LOC400499: variants seen among roughly 807,000 people sequenced by gnomAD.
the LOC400499 span, among the ~76,000 whole-genome samples, chr16:11,464,360 C>T: frequency 7.9e-5 from 12 of 152,348 alleles, no homozygotes; most frequent in Middle Eastern, 3.4e-3. Context: ...TCAGAGCTTC[C>T]TCAAGGTGCA....
the LOC400499 span, chr16:11,446,462 T>C: frequency 1.6e-6 from 2 of 1,245,590 alleles, no homozygotes; most frequent in East Asian, 2.5e-5. Context: ...TCAGTCCAGA[T>C]AACATGTTTT....
At chr16:11,469,345 T>C in the LOC400499 span, 9 of 398,986 alleles carry the variant, frequency 2.3e-5, 1 homozygote, top group Non-Finnish European at 4.0e-5. Flanking sequence ...GCCCTTTCTT[T>C]AATCTCTGAG....
the LOC400499 span, among the ~76,000 whole-genome samples, chr16:11,457,769 T>C: frequency 6.6e-6 from 1 of 152,142 alleles, no homozygotes; most frequent in Non-Finnish European, 1.5e-5. Flanking sequence ...GCAACCCACA[T>C]GTCCATCAAC....
the LOC400499 span, among the ~76,000 whole-genome samples, chr16:11,410,593 G>T: frequency 6.6e-6 from 1 of 152,264 alleles, no homozygotes; most frequent in Admixed American, 6.5e-5. Flanking sequence ...TGTAGACAAA[G>T]GTGGCCTGGG....
chr16:11,494,452 G>C, the LOC400499 span: 1 of 392,896 alleles, frequency 2.5e-6, no homozygotes, highest in Non-Finnish European at 4.5e-6. Context: ...GGGGGAATGA[G>C]GGATAGGAGG....
chr16:11,526,599 T>C, the LOC400499 span, among the ~76,000 whole-genome samples: 4 of 152,246 alleles, frequency 2.6e-5, no homozygotes, highest in African/African-American at 4.8e-5. Context: ...ATACTTCCTA[T>C]TGATTACATT....
At chr16:11,520,528 G>A in the LOC400499 span, among the ~76,000 whole-genome samples, 450 of 152,192 alleles carry the variant, frequency 3.0e-3, 4 homozygotes, top group African/African-American at 0.01. Flanking sequence ...GTGGCGGAGC[G>A]CACCATGCAC....
chr16:11,404,212 G>T, the LOC400499 span, among the ~76,000 whole-genome samples: 1 of 152,150 alleles, frequency 6.6e-6, no homozygotes, highest in Non-Finnish European at 1.5e-5. Context: ...CCCACTCGTG[G>T]AAATGGTCAT....
At chr16:11,383,227 G>A in the LOC400499 span, among the ~76,000 whole-genome samples, 506 of 151,848 alleles carry the variant, frequency 3.3e-3, 2 homozygotes, top group African/African-American at 0.011. Flanking sequence ...AACCATGCCC[G>A]GCTAATTTTT....
chr16:11,383,935 C>T, the LOC400499 span: 1 of 1,231,934 alleles, frequency 8.1e-7, no homozygotes, highest in Non-Finnish European at 1.0e-6. Flanking sequence ...GAAGAAGGCC[C>T]AGCAGGCGGG....
At chr16:11,470,242 G>T in the LOC400499 span, among the ~76,000 whole-genome samples, 1 of 152,050 alleles carries the variant, frequency 6.6e-6, no homozygotes, top group Non-Finnish European at 1.5e-5. Flanking sequence ...TTGTGTCCTT[G>T]TCCCCCAGCT....
At chr16:11,519,088 G>A in the LOC400499 span, 2 of 397,124 alleles carry the variant, frequency 5.0e-6, no homozygotes, top group East Asian at 3.6e-5. Context: ...CATGTTGGGG[G>A]CAAGGCAGAG....
At chr16:11,460,137 G>C in the LOC400499 span, 1 of 1,185,990 alleles carries the variant, frequency 8.4e-7, no homozygotes, top group Non-Finnish European at 1.1e-6. Context: ...CCCACTCCAG[G>C]GATATCAGCC....
At chr16:11,407,002 G>A in the LOC400499 span, among the ~76,000 whole-genome samples, 2 of 152,260 alleles carry the variant, frequency 1.3e-5, no homozygotes, top group African/African-American at 2.4e-5. Flanking sequence ...CTGAAATAGT[G>A]CCTGGCACCT....
the LOC400499 span, among the ~76,000 whole-genome samples, chr16:11,483,709 TA>T: frequency 5.5e-4 from 80 of 145,434 alleles, no homozygotes; most frequent in Non-Finnish European, 7.4e-4. Context: ...GTACAACTTT[TA>T]AAAAAAAAAA....
chr16:11,447,946 G>A, the LOC400499 span: 8 of 1,535,598 alleles, frequency 5.2e-6, no homozygotes, highest in Non-Finnish European at 7.0e-6. Flanking sequence ...AAGGAGCAAG[G>A]CCCCCCGTTT....
chr16:11,424,264 C>T, the LOC400499 span: 10 of 398,344 alleles, frequency 2.5e-5, no homozygotes, highest in African/African-American at 6.2e-5. Flanking sequence ...TGAGCCCCCG[C>T]GTTCCACAGC....
chr16:11,410,788 C>T, the LOC400499 span, among the ~76,000 whole-genome samples: 1 of 152,344 alleles, frequency 6.6e-6, no homozygotes, highest in East Asian at 1.9e-4. Flanking sequence ...CGGATCTGGG[C>T]ACAGACAATG....
chr16:11,380,288 A>G, the LOC400499 span, among the ~76,000 whole-genome samples: 1 of 151,196 alleles, frequency 6.6e-6, no homozygotes, highest in Non-Finnish European at 1.5e-5. Context: ...CATTTCTTGC[A>G]TAATGAACTC....
Sources: gnomAD v4.1 joint callset for allele counts (sites outside exome capture counted in the v4.1 genomes callset) on GRCh38, gnomAD v4.1.1 for gene constraint, MANE v1.5 for transcripts.